Variants in BMERB1 observed in about 807,000 individuals in gnomAD.
BMERB1 encodes bMERB domain-containing protein 1.
In BMERB1, 12 loss-of-function variants were observed where a neutral mutation model predicts 23.6. The observed-to-expected ratio is 0.51, with a 90% CI of 0.33 to 0.82. BMERB1 has a LOEUF of 0.82. Ranked by LOEUF, BMERB1 falls within the 40% of genes least tolerant of loss-of-function variation. The pLI, the probability that BMERB1 is intolerant of heterozygous loss-of-function variation, is 0.03. For synonymous variants in BMERB1, 122 were observed against 96.6 expected (o/e 1.26, Z -1.54); for missense variants, 247 against 255.4 (o/e 0.97, Z 0.22).
intron 2 of BMERB1, among the ~76,000 whole-genome samples, chr16:15,548,192 C>G (rs2029982673): frequency 6.6e-6 from 1 of 152,094 alleles, no homozygotes; most frequent in South Asian, 2.1e-4. Context: ...ACCAGGTTGG[C>G]CAGGCTGGTC....
chr16:15,582,851 A>G (rs2031050447), intron 4 of BMERB1, among the ~76,000 whole-genome samples: 1 of 152,110 alleles, frequency 6.6e-6, no homozygotes, highest in South Asian at 2.1e-4. Flanking sequence ...TTCAAAATAC[A>G]AGGTCAGGAG....
At chr16:15,458,983 C>T (rs1403240743) in intron 1 of BMERB1, among the ~76,000 whole-genome samples, 6 of 151,750 alleles carry the variant, frequency 4.0e-5, no homozygotes, top group Admixed American at 6.6e-5. Context: ...GGCGGGCGCC[C>T]ATAATCCCAG....
At position 15,584,013 on chromosome 16, in the gene BMERB1, A is replaced by G. The variant is rs1477491990; in HGVS notation, c.502+775A>G. ...GAGCTCTGGCCTCTCTTAGGTCTGGAATCTCTGGAGAAGCCAGAAGCATAT... is the reference window on the plus strand; with the variant it reads ...GAGCTCTGGCCTCTCTTAGGTCTGGGATCTCTGGAGAAGCCAGAAGCATAT... On this transcript the variant is annotated intron_variant, in intron 5 of 5. Coordinates refer to ENST00000300006, the MANE Select transcript of BMERB1 (RefSeq NM_033201.3). 4.3e-6 allele frequency: 3 copies of G among 702,220 alleles called. No individual in the cohort carries two copies. The African/African-American group carries it at 5.2e-5, about 12-fold the overall frequency. The allele number at this position is 702,220 out of a possible 1,614,324, so 43.5% of individuals were successfully genotyped here.
At chr16:15,541,205 A>G (rs1051064915) in intron 2 of BMERB1, among the ~76,000 whole-genome samples, 8 of 152,078 alleles carry the variant, frequency 5.3e-5, no homozygotes, top group African/African-American at 1.9e-4. Context: ...AGGAATAGCC[A>G]AATGGAAGAG....
chr16:15,463,269 A>ATATATATATATATATATATATTTTTTTT (rs1180090455), intron 1 of BMERB1, among the ~76,000 whole-genome samples: 2 of 148,530 alleles, frequency 1.3e-5, no homozygotes, highest in African/African-American at 5.2e-5. Context: ...ATATATATAT[A>ATATATATATATATATATATATTTTTTTT]TTTTGTAGAG....
At chr16:15,520,628 C>A (rs766385574) in intron 2 of BMERB1, among the ~76,000 whole-genome samples, 1 of 151,918 alleles carries the variant, frequency 6.6e-6, no homozygotes, top group South Asian at 2.1e-4. Context: ...GGACTACAGG[C>A]GCCCGCCACC....
chr16:15,461,374 T>C (rs2051133997), intron 1 of BMERB1, among the ~76,000 whole-genome samples: 1 of 152,098 alleles, frequency 6.6e-6, no homozygotes, highest in South Asian at 2.1e-4. Flanking sequence ...AAACATACTT[T>C]GCGTTGGTTC....
intron 2 of BMERB1, among the ~76,000 whole-genome samples, chr16:15,529,807 C>G (rs1327066538): frequency 6.6e-6 from 1 of 152,150 alleles, no homozygotes; most frequent in Non-Finnish European, 1.5e-5. Flanking sequence ...AACAGTGGGT[C>G]CATTCATAGG....
intron 1 of BMERB1, among the ~76,000 whole-genome samples, chr16:15,503,902 A>G (rs1466670903): frequency 6.6e-6 from 1 of 152,188 alleles, no homozygotes; most frequent in East Asian, 1.9e-4. Flanking sequence ...TCAGGTCCAC[A>G]AGGGCAGAGA....
intron 2 of BMERB1, among the ~76,000 whole-genome samples, chr16:15,521,296 G>A (rs549035482): frequency 6.6e-6 from 1 of 152,218 alleles, no homozygotes; most frequent in Non-Finnish European, 1.5e-5. Flanking sequence ...AAAATGATGA[G>A]CTCCAATGCA....
intron 1 of BMERB1, among the ~76,000 whole-genome samples, chr16:15,492,582 C>T (rs1354735041): frequency 6.6e-6 from 1 of 152,174 alleles, no homozygotes; most frequent in Non-Finnish European, 1.5e-5. Flanking sequence ...TCAGCATCAA[C>T]AGTGCCAACT....
chr16:15,475,131 C>T (rs1009187944), intron 1 of BMERB1, among the ~76,000 whole-genome samples: 5 of 152,156 alleles, frequency 3.3e-5, no homozygotes, highest in Non-Finnish European at 5.9e-5. Flanking sequence ...TGCATTGCTT[C>T]CTGGTAGGGG....
intron 2 of BMERB1, among the ~76,000 whole-genome samples, chr16:15,528,537 TCATC>T (rs1309216784): frequency 1.3e-5 from 2 of 152,010 alleles, no homozygotes; most frequent in African/African-American, 2.4e-5. Flanking sequence ...CTTCTTTTCT[TCATC>T]CATTCCTCAC....
chr16:15,519,802 T>A (rs2051827228), intron 2 of BMERB1, among the ~76,000 whole-genome samples: 1 of 152,142 alleles, frequency 6.6e-6, no homozygotes, highest in African/African-American at 2.4e-5. Flanking sequence ...ATTTAACTTG[T>A]CCTTTCCCCC....
intron 1 of BMERB1, among the ~76,000 whole-genome samples, chr16:15,490,597 T>C (rs1598468424): frequency 6.6e-6 from 1 of 152,266 alleles, no homozygotes; most frequent in Admixed American, 6.5e-5. Context: ...ACTGCTACTT[T>C]AGACCCCACT....
chr16:15,485,449 C>T (rs1027345226), intron 1 of BMERB1, among the ~76,000 whole-genome samples: 24 of 152,278 alleles, frequency 1.6e-4, no homozygotes, highest in African/African-American at 5.5e-4. Flanking sequence ...TTATTACCAG[C>T]GCTGAGAAAC....
intron 1 of BMERB1, among the ~76,000 whole-genome samples, chr16:15,445,299 A>C (rs562018538): frequency 6.6e-6 from 1 of 152,188 alleles, no homozygotes; most frequent in African/African-American, 2.4e-5. Context: ...AAATCATTCA[A>C]TACAGAGGTC....
intron 3 of BMERB1, among the ~76,000 whole-genome samples, chr16:15,578,904 G>A (rs2030939117): frequency 6.6e-6 from 1 of 152,214 alleles, no homozygotes. Context: ...GGAAAGGTAT[G>A]TGGCACACAC....
chr16:15,436,040 C>T (rs1165982506), intron 1 of BMERB1, among the ~76,000 whole-genome samples: 1 of 151,736 alleles, frequency 6.6e-6, no homozygotes, highest in Non-Finnish European at 1.5e-5. Context: ...GTCTCTGTTT[C>T]TTTCTTTAAT....
Sources: allele counts gnomAD v4.1 joint callset (sites outside exome capture counted in the v4.1 genomes callset), GRCh38; gene constraint gnomAD v4.1.1; transcripts MANE v1.5; gene names NCBI Gene and HGNC (gene_info 2026-07-23, HGNC 2026-07-21).